PTPRD: variants seen among roughly 807,000 people sequenced by gnomAD.
PTPRD encodes the protein protein tyrosine phosphatase receptor type D.
PTPRD carries 34 observed loss-of-function variants against 214.5 expected under a neutral mutation model. The ratio of observed to expected loss-of-function variants is 0.16; its 90% CI spans 0.12 to 0.21. The LOEUF (loss-of-function observed/expected upper bound fraction) is 0.21, where lower values mean the gene tolerates loss of function less well. PTPRD is among the 10% of genes least tolerant of loss of function. The pLI, the probability that PTPRD is intolerant of heterozygous loss-of-function variation, is 1.00. For missense variants in PTPRD, 2,545 were observed against 2,398.7 expected (o/e 1.06, Z -1.27); for synonymous variants, 1,128 against 845.7 (o/e 1.33, Z -5.79).
At chr9:9,950,969 G>A (rs1158287281) in intron 4 of PTPRD, among the ~76,000 whole-genome samples, 1 of 152,126 alleles carries the variant, frequency 6.6e-6, no homozygotes, top group Non-Finnish European at 1.5e-5. Context: ...CTGACTCTAA[G>A]AATAGAATTT....
intron 2 of PTPRD, among the ~76,000 whole-genome samples, chr9:10,430,633 C>A (rs1365387534): frequency 2.0e-5 from 3 of 151,746 alleles, no homozygotes; most frequent in Non-Finnish European, 4.4e-5. Flanking sequence ...ACAACAAATA[C>A]CTCCGTCAGA....
chr9:9,971,507 G>T (rs1397547204), intron 4 of PTPRD, among the ~76,000 whole-genome samples: 1 of 152,140 alleles, frequency 6.6e-6, no homozygotes, highest in East Asian at 1.9e-4. Flanking sequence ...TTTATAAAAA[G>T]CAACAAAACT....
chr9:8,750,939 C>T (rs550383413), intron 11 of PTPRD, among the ~76,000 whole-genome samples: 80 of 152,242 alleles, frequency 5.3e-4, no homozygotes, highest in African/African-American at 1.9e-3. Context: ...GCAACCTCCC[C>T]CGACTGCCCT....
chr9:8,524,962 G>A lies in PTPRD; in HGVS notation c.642C>T (p.Gly214=). The change falls in exon 18 of 46, where the codon GGC becomes GGT. Residue 214 remains glycine (G), a synonymous_variant. Transcript: ENST00000381196. ...KYECVATNSA[G]TRYSAPANLY... ...AATTGGCAGGAGCGGAATAGCGAGTGCCCGCGCTGTTGGTGGCAACACACT... is the reference window on the plus strand; with the variant it reads ...AATTGGCAGGAGCGGAATAGCGAGTACCCGCGCTGTTGGTGGCAACACACT... The A allele has an allele frequency of 1.2e-6, 2 of 1,613,656 alleles. No homozygotes were observed. Among genetic ancestry groups the A allele is most frequent in the African/African-American group, 1.3e-5 (1 of 74,980 alleles).
intron 8 of PTPRD, among the ~76,000 whole-genome samples, chr9:9,530,708 A>G (rs951977664): frequency 9.2e-5 from 14 of 152,208 alleles, no homozygotes; most frequent in African/African-American, 2.9e-4. Flanking sequence ...ATGATGTAAA[A>G]AATGAATGAA....
chr9:10,205,384 T>C (rs1275313588), intron 3 of PTPRD, among the ~76,000 whole-genome samples: 1 of 150,890 alleles, frequency 6.6e-6, no homozygotes, highest in African/African-American at 2.4e-5. Flanking sequence ...TTATTTTATT[T>C]TATTTTATTT....
intron 5 of PTPRD, among the ~76,000 whole-genome samples, chr9:9,899,262 G>A (rs1001373405): frequency 2.0e-5 from 3 of 152,004 alleles, no homozygotes; most frequent in East Asian, 1.9e-4. Context: ...AGTGTGAAGA[G>A]AGACTATGAA....
At chr9:9,041,295 A>C (rs1438553735) in intron 10 of PTPRD, among the ~76,000 whole-genome samples, 1 of 152,020 alleles carries the variant, frequency 6.6e-6, no homozygotes, top group Non-Finnish European at 1.5e-5. Context: ...TTTACTGTAC[A>C]GATTATTTTG....
At chr9:9,535,382 A>G (rs2076303295) in intron 8 of PTPRD, among the ~76,000 whole-genome samples, 1 of 152,132 alleles carries the variant, frequency 6.6e-6, no homozygotes, top group Non-Finnish European at 1.5e-5. Context: ...AGCATAACAC[A>G]TGAACTTCAT....
chr9:8,826,241 C>A (rs934970816), intron 11 of PTPRD, among the ~76,000 whole-genome samples: 1 of 149,580 alleles, frequency 6.7e-6, no homozygotes, highest in Admixed American at 6.6e-5. Flanking sequence ...CCTAAATGGC[C>A]TTCCTATTTC....
chr9:10,095,591 T>G (rs541149430), intron 3 of PTPRD, among the ~76,000 whole-genome samples: 20 of 151,630 alleles, frequency 1.3e-4, no homozygotes, highest in African/African-American at 4.3e-4. Flanking sequence ...AACATGATAT[T>G]TGATAAAATA....
At chr9:10,602,943 C>A (rs1311921355) in intron 2 of PTPRD, among the ~76,000 whole-genome samples, 1 of 151,788 alleles carries the variant, frequency 6.6e-6, no homozygotes, top group African/African-American at 2.4e-5. Context: ...TCCCTACCTC[C>A]ACGTTGCTAT....
At chr9:8,560,862 CA>C (rs1422830266) in intron 14 of PTPRD, among the ~76,000 whole-genome samples, 1 of 151,104 alleles carries the variant, frequency 6.6e-6, no homozygotes, top group East Asian at 2.0e-4. Context: ...AGGCTGGATT[CA>C]AACGACAAAT....
At chr9:10,432,278 G>T (rs1198075500) in intron 2 of PTPRD, among the ~76,000 whole-genome samples, 3 of 118,080 alleles carry the variant, frequency 2.5e-5, no homozygotes, top group Admixed American at 1.1e-4. Flanking sequence ...ACACTCTGGG[G>T]ACTGTGGTGG....
intron 8 of PTPRD, among the ~76,000 whole-genome samples, chr9:9,487,450 C>T (rs535006511): frequency 2.0e-5 from 3 of 152,136 alleles, no homozygotes; most frequent in South Asian, 4.1e-4. Flanking sequence ...TTTCTTAATC[C>T]AGTCTATCAT....
chr9:9,814,645 G>A (rs1041963521), intron 5 of PTPRD, among the ~76,000 whole-genome samples: 1 of 152,000 alleles, frequency 6.6e-6, no homozygotes, highest in African/African-American at 2.4e-5. Flanking sequence ...GAAGACACAA[G>A]TAAATAAAAT....
At chr9:9,141,164 C>T (rs1401764690) in intron 10 of PTPRD, among the ~76,000 whole-genome samples, 2 of 147,560 alleles carry the variant, frequency 1.4e-5, no homozygotes, top group Non-Finnish European at 3.0e-5. Context: ...CTCCCCTCCC[C>T]TCCTCTTCTC....
At chr9:10,593,397 G>A (rs1240030509) in intron 2 of PTPRD, among the ~76,000 whole-genome samples, 2 of 152,034 alleles carry the variant, frequency 1.3e-5, no homozygotes, top group East Asian at 3.9e-4. Flanking sequence ...TATTGGAATG[G>A]ACATTACTAG....
At chr9:10,252,479 T>C (rs1171634468) in intron 3 of PTPRD, among the ~76,000 whole-genome samples, 1 of 152,084 alleles carries the variant, frequency 6.6e-6, no homozygotes, top group Non-Finnish European at 1.5e-5. Context: ...GCCTCCTCCA[T>C]TGTCTCCCCC....
Sources: gnomAD v4.1 joint callset for allele counts (sites outside exome capture counted in the v4.1 genomes callset) on GRCh38, gnomAD v4.1.1 for gene constraint, MANE v1.5 for transcripts, NCBI Gene and HGNC (gene_info 2026-07-23, HGNC 2026-07-21) for gene names.